Variants in MAPKAPK5 observed in about 807,000 individuals in gnomAD.
MAPKAPK5 encodes the protein MAPK activated protein kinase 5, also known as MAP kinase-activated protein kinase 5.
MAPKAPK5 carries 30 observed loss-of-function variants against 65.1 expected under a neutral mutation model. That is an observed-to-expected ratio of 0.46 (90% CI 0.34 to 0.63). The LOEUF is 0.63. MAPKAPK5 is among the 20% of genes least tolerant of loss of function. MAPKAPK5 has a pLI of 0.01. For synonymous variants in MAPKAPK5, 179 were observed against 204.6 expected (o/e 0.87, Z 1.07); for missense variants, 433 against 581.4 (o/e 0.74, Z 2.63).
Position 111,885,957 on chromosome 12 carries a change from G to A in MAPKAPK5, c.890G>A (p.Gly297Glu). The change falls in exon 10 of 14, where the codon GGA becomes GAA. Residue 297 changes from glycine to glutamate, a missense_variant. By Grantham distance (98) the Gly-to-Glu change is moderately conservative (BLOSUM62 -2). Coordinates refer to ENST00000550735, the MANE Select transcript of MAPKAPK5 (RefSeq NM_003668.4). The part of the protein sequence containing the change: ...VKPEERLTIE[G>E]VLDHPWLNST... ...CCGGAGGAGAGACTCACCATCGAGG[G>A]AGTGCTGGACCACCCCTGGCTCAAT... 6.2e-7 allele frequency: 1 copy of A among 1,613,984 alleles called. No homozygotes were observed. Among genetic ancestry groups the A allele is most frequent in the East Asian group, 2.2e-5 (1 of 44,890 alleles).
In MAPKAPK5 at chr12:111,901,546, AG is replaced by A. The variant is rs2136188272; in HGVS notation, c.*8486del. 5.8e-6 allele frequency: 2 copies of A among 347,090 alleles called. No individual in the cohort carries two copies. Among genetic ancestry groups the A allele is most frequent in the South Asian group, 4.8e-5 (2 of 41,282 alleles). 21.5% of individuals were successfully genotyped at this position (347,090 alleles called of 1,614,324 possible). On this transcript the variant is annotated 3_prime_UTR_variant, in exon 14 of 14. Coordinates refer to ENST00000550735, the MANE Select transcript of MAPKAPK5 (RefSeq NM_003668.4). ...TGATCTGCTTGCTTAAAAAATCACC[AG>A]AGGCTGCCCCGGCAGAAGCTCCTCC...
intron 4 of MAPKAPK5, 45 bp from the exon 5 acceptor site, chr12:111,868,708 C>CA: frequency 7.8e-7 from 1 of 1,282,316 alleles, no homozygotes; most frequent in Non-Finnish European, 1.1e-6. Flanking sequence ...GTTTCTTTTT[C>CA]TTTTTTTTTT....
chr12:111,867,784 C>T (rs781707335), intron 4 of MAPKAPK5, 115 bp downstream of exon 4: 15 of 755,318 alleles, frequency 2.0e-5, no homozygotes, highest in Non-Finnish European at 3.2e-5. Context: ...CCTACCCTCG[C>T]TTCCTCTGCC....
At chr12:111,892,442 T>C (rs910110746) in intron 13 of MAPKAPK5, among the ~76,000 whole-genome samples, 8 of 152,320 alleles carry the variant, frequency 5.3e-5, no homozygotes, top group African/African-American at 1.9e-4. Flanking sequence ...ACACCAACTC[T>C]TGCTATTGTC....
intron 12 of MAPKAPK5, chr12:111,889,431 TC>T (rs2070526134): frequency 5.8e-6 from 1 of 173,118 alleles, no homozygotes; most frequent in East Asian, 1.5e-4. Flanking sequence ...AGAGAATACC[TC>T]CTTAGTTCAG....
intron 1 of MAPKAPK5, among the ~76,000 whole-genome samples, chr12:111,864,694 CAG>C (rs1342282747): frequency 3.3e-5 from 5 of 152,060 alleles, no homozygotes; most frequent in East Asian, 1.9e-4. Flanking sequence ...ATGAAATTGA[CAG>C]AATATATCTG....
At chr12:111,865,664 C>T (rs1292647229) in intron 2 of MAPKAPK5, among the ~76,000 whole-genome samples, 8 of 151,600 alleles carry the variant, frequency 5.3e-5, no homozygotes, top group Admixed American at 3.3e-4. Context: ...GGTGAAACCC[C>T]GTCTCTCCTA....
intron 1 of MAPKAPK5, among the ~76,000 whole-genome samples, chr12:111,850,671 A>G (rs1220707685): frequency 1.3e-5 from 2 of 152,184 alleles, no homozygotes; most frequent in African/African-American, 2.4e-5. Flanking sequence ...TTCTGGGGAA[A>G]ACAATGCCAC....
intron 10 of MAPKAPK5, 45 bp downstream of exon 10, chr12:111,886,081 G>A (rs370438758): frequency 6.2e-7 from 1 of 1,613,442 alleles, no homozygotes; most frequent in South Asian, 1.1e-5. Context: ...ACTGTGTTGG[G>A]AAGGAATGCT....
At chr12:111,874,395 C>CA (rs76757649) in intron 7 of MAPKAPK5, among the ~76,000 whole-genome samples, 110 of 121,024 alleles carry the variant, frequency 9.1e-4, no homozygotes, top group South Asian at 5.5e-3. Flanking sequence ...AACTGCGTCT[C>CA]AAAAAAAAAA....
chr12:111,880,008 C>A, intron 7 of MAPKAPK5: 1 of 210,806 alleles, frequency 4.7e-6, no homozygotes, highest in Non-Finnish European at 9.8e-6. Flanking sequence ...AGAGGTTGGC[C>A]AGGATAATGG....
At chr12:111,886,145 T>C in intron 10 of MAPKAPK5, 109 bp downstream of exon 10, 1 of 1,452,320 alleles carries the variant, frequency 6.9e-7, no homozygotes, top group Non-Finnish European at 9.4e-7. Context: ...TACACGATCC[T>C]TCCCAGAGAA....
intron 1 of MAPKAPK5, among the ~76,000 whole-genome samples, chr12:111,855,980 C>T (rs570160007): frequency 2.8e-4 from 42 of 151,702 alleles, no homozygotes; most frequent in Non-Finnish European, 4.3e-4. Flanking sequence ...CTCAGCCTCC[C>T]GAGTAGCTGG....
chr12:111,849,183 C>T lies in MAPKAPK5; in HGVS notation c.36+6414C>T, dbSNP rs546661042. Among the ~76,000 whole-genome samples, 4 of 151,068 alleles carry T rather than the reference C, an allele frequency of 2.6e-5. No homozygotes were observed. The East Asian group carries it at 5.8e-4, about 22-fold the overall frequency. On this transcript the variant is annotated intron_variant, in intron 1 of 13. Coordinates refer to ENST00000550735, the MANE Select transcript of MAPKAPK5 (RefSeq NM_003668.4). ...CTGGTCTTGAACTCCTGGGCTCAAG[C>T]GATCTGCCTGCCTCAGCCTCCTGAA...
At position 111,900,970 on chromosome 12, in the gene MAPKAPK5, G is replaced by C. The variant is rs1410266426; in HGVS notation, c.*7909G>C. ...AGCAAAGGGGACCAATTTGGAAACTGTGGCATTTCTACCAGTCCTGGGTCA... is the reference window on the plus strand; with the variant it reads ...AGCAAAGGGGACCAATTTGGAAACTCTGGCATTTCTACCAGTCCTGGGTCA... On this transcript the variant is annotated 3_prime_UTR_variant, in exon 14 of 14. Coordinates refer to ENST00000550735, the MANE Select transcript of MAPKAPK5 (RefSeq NM_003668.4). The C allele has an allele frequency of 6.6e-6, 3 of 455,912 alleles. No individual in the cohort carries two copies. Among genetic ancestry groups the C allele is most frequent in the East Asian group, 6.9e-5 (1 of 14,402 alleles). The allele number at this position is 455,912 out of a possible 1,614,324, so 28.2% of individuals were successfully genotyped here. A position where few individuals can be genotyped will look rare whatever the true frequency, so the allele number is the denominator to read the frequency against.
At chr12:111,872,298 C>T (rs2069809269) in intron 7 of MAPKAPK5, among the ~76,000 whole-genome samples, 2 of 152,160 alleles carry the variant, frequency 1.3e-5, no homozygotes, top group African/African-American at 4.8e-5. Context: ...CATTTGTCAT[C>T]TTAGTCATTC....
Position 111,899,906 on chromosome 12 carries a change from C to G in MAPKAPK5, c.*6845C>G, listed in dbSNP as rs1208955918. 4 of 456,046 alleles carry G rather than the reference C, an allele frequency of 8.8e-6. No individual in the cohort carries two copies. The highest frequency in any genetic ancestry group is 4.4e-6 in the Non-Finnish European group (1 of 226,780). The allele number at this position is 456,046 out of a possible 1,614,324, so 28.2% of individuals were successfully genotyped here. ...TGTCTACTAGCTGGCAACAAGGGAGCAGGAAGCCTCATGATCTACAGGCAC... is the reference window on the plus strand; with the variant it reads ...TGTCTACTAGCTGGCAACAAGGGAGGAGGAAGCCTCATGATCTACAGGCAC... On this transcript the variant is annotated 3_prime_UTR_variant, in exon 14 of 14. Transcript: ENST00000550735.
intron 5 of MAPKAPK5, 61 bp downstream of exon 5, chr12:111,868,922 A>C: frequency 2.8e-4 from 346 of 1,232,820 alleles, no homozygotes; most frequent in Non-Finnish European, 3.4e-4. Context: ...GCACAATTTC[A>C]TTGGGGGGAA....
chr12:111,868,313 C>G (rs1040177908), intron 4 of MAPKAPK5, among the ~76,000 whole-genome samples: 4 of 152,118 alleles, frequency 2.6e-5, no homozygotes, highest in African/African-American at 9.7e-5. Context: ...CTAAAATATT[C>G]TAAGCTTACA....
Sources: gnomAD v4.1 joint callset for allele counts (sites outside exome capture counted in the v4.1 genomes callset) on GRCh38, gnomAD v4.1.1 for gene constraint, MANE v1.5 for transcripts, NCBI Gene and HGNC (gene_info 2026-07-23, HGNC 2026-07-21) for gene names.